The following TAFA1 variants were observed in gnomAD, a reference collection of about 807,000 sequenced individuals.
The protein encoded by TAFA1 is TAFA chemokine like family member 1.
TAFA1 carries 4 observed loss-of-function variants against 18.5 expected under a neutral mutation model. The ratio of observed to expected loss-of-function variants is 0.22; its 90% CI spans 0.11 to 0.49. The LOEUF is 0.49. Ranked by LOEUF, TAFA1 falls within the 20% of genes least tolerant of loss-of-function variation. The probability of loss-of-function intolerance (pLI) is 0.98; values close to 1 mark genes in which losing one functional copy is unlikely to be tolerated. For missense variants in TAFA1, 147 were observed against 169.0 expected (o/e 0.87, Z 0.72); for synonymous variants, 56 against 55.2 (o/e 1.01, Z -0.06).
intron 2 of TAFA1, among the ~76,000 whole-genome samples, chr3:68,262,733 T>A (rs986411197): frequency 8.6e-5 from 13 of 151,218 alleles, no homozygotes; most frequent in Non-Finnish European, 1.9e-4. Context: ...AATATAGTGG[T>A]GATGAATTTA....
rs984888980 is a variant in TAFA1 at position 68,285,633 on chromosome 3, G to A, written c.119-131647G>A. 3.9e-5 allele frequency among the ~76,000 whole-genome samples: 6 copies of A among 152,098 alleles called. No homozygotes were observed. In the East Asian group the frequency reaches 1.2e-3, roughly 29 times the overall value. Reference sequence around the variant, plus strand: ...TTTCTTCAGCAAATATGTGGCATGAGAAAGGGGAGTAAGAAGTAACTGTTA... The same window carrying A: ...TTTCTTCAGCAAATATGTGGCATGAAAAAGGGGAGTAAGAAGTAACTGTTA... On this transcript the variant is annotated intron_variant, in intron 2 of 4. Transcript: ENST00000478136.
chr3:68,097,697 G>C (rs1024577174), intron 2 of TAFA1, among the ~76,000 whole-genome samples: 2 of 152,152 alleles, frequency 1.3e-5, no homozygotes, highest in African/African-American at 4.8e-5. Flanking sequence ...GCTATGCCCA[G>C]TGCGTGCCTG....
chr3:68,475,502 T>G (rs1201911179), intron 3 of TAFA1, among the ~76,000 whole-genome samples: 1 of 152,248 alleles, frequency 6.6e-6, no homozygotes, highest in Non-Finnish European at 1.5e-5. Flanking sequence ...TCATTTTTTA[T>G]GGCTGCGTAG....
intron 3 of TAFA1, among the ~76,000 whole-genome samples, chr3:68,527,647 T>C (rs1478110606): frequency 6.6e-6 from 1 of 152,142 alleles, no homozygotes; most frequent in African/African-American, 2.4e-5. Context: ...TCACAACTTG[T>C]CAATATATAT....
At chr3:68,034,616 A>G (rs994290254) in intron 2 of TAFA1, among the ~76,000 whole-genome samples, 4 of 152,178 alleles carry the variant, frequency 2.6e-5, no homozygotes, top group Non-Finnish European at 5.9e-5. Flanking sequence ...CTGCTTTAGT[A>G]CTTGTCTTCC....
At position 68,179,703 on chromosome 3, in the gene TAFA1, A is replaced by G. The variant is rs1271060573; in HGVS notation, c.118+172959A>G. Among the ~76,000 whole-genome samples, 3 of 152,326 alleles carry G rather than the reference A, an allele frequency of 2.0e-5. No homozygotes were observed. The East Asian group carries it at 5.8e-4, about 29-fold the overall frequency. On this transcript the variant is annotated intron_variant, in intron 2 of 4. Coordinates refer to ENST00000478136, the MANE Select transcript of TAFA1 (RefSeq NM_213609.4). ...CAGCTAATCTGCCTCTTCTTGATGT[A>G]ACCGCACAATGCTAGAATTTTTCAC...
At chr3:68,237,810 T>C (rs2066946149) in intron 2 of TAFA1, among the ~76,000 whole-genome samples, 1 of 152,118 alleles carries the variant, frequency 6.6e-6, no homozygotes, top group Non-Finnish European at 1.5e-5. Flanking sequence ...AAGTTGCATA[T>C]AAAGATTATG....
At chr3:68,492,015 G>C (rs1458195431) in intron 3 of TAFA1, among the ~76,000 whole-genome samples, 1 of 152,060 alleles carries the variant, frequency 6.6e-6, no homozygotes, top group Non-Finnish European at 1.5e-5. Flanking sequence ...ATATGCCCTC[G>C]ATTTATGTGT....
chr3:68,086,131 T>G (rs1423512212), intron 2 of TAFA1, among the ~76,000 whole-genome samples: 3 of 152,248 alleles, frequency 2.0e-5, no homozygotes, highest in Admixed American at 2.0e-4. Context: ...AGTGGAGAAT[T>G]ACCTGATGTT....
chr3:68,169,958 G>A (rs2066031992), intron 2 of TAFA1, among the ~76,000 whole-genome samples: 1 of 152,254 alleles, frequency 6.6e-6, no homozygotes, highest in East Asian at 1.9e-4. Context: ...CAGAATGATA[G>A]AATAAGTACT....
chr3:68,351,115 C>T (rs940670029), intron 2 of TAFA1, among the ~76,000 whole-genome samples: 1 of 152,086 alleles, frequency 6.6e-6, no homozygotes, highest in African/African-American at 2.4e-5. Context: ...TCAACTGAAT[C>T]CAAATTTCTG....
At chr3:68,207,899 G>A (rs1559558935) in intron 2 of TAFA1, among the ~76,000 whole-genome samples, 1 of 151,834 alleles carries the variant, frequency 6.6e-6, no homozygotes, top group Non-Finnish European at 1.5e-5. Flanking sequence ...AATAAAGAAC[G>A]CTTCCTTTTA....
intron 3 of TAFA1, among the ~76,000 whole-genome samples, chr3:68,449,905 T>G (rs2071541235): frequency 1.3e-5 from 2 of 152,242 alleles, no homozygotes; most frequent in African/African-American, 4.8e-5. Context: ...AGATATTTCC[T>G]TCCTTACTCT....
chr3:68,518,376 T>A (rs1224383176), intron 3 of TAFA1, among the ~76,000 whole-genome samples: 1 of 152,232 alleles, frequency 6.6e-6, no homozygotes, highest in Non-Finnish European at 1.5e-5. Flanking sequence ...TATTTTGTCA[T>A]TGCCCTGACT....
At chr3:68,442,119 C>T (rs897788987) in intron 3 of TAFA1, among the ~76,000 whole-genome samples, 2 of 152,120 alleles carry the variant, frequency 1.3e-5, no homozygotes, top group African/African-American at 2.4e-5. Flanking sequence ...ATGATCACCA[C>T]CACCCCACTC....
At chr3:68,249,446 C>T (rs2067148137) in intron 2 of TAFA1, among the ~76,000 whole-genome samples, 1 of 152,142 alleles carries the variant, frequency 6.6e-6, no homozygotes, top group Admixed American at 6.5e-5. Flanking sequence ...AGTCATAAGG[C>T]GTCACTGACA....
chr3:68,258,996 C>T (rs957834688), intron 2 of TAFA1, among the ~76,000 whole-genome samples: 2 of 152,184 alleles, frequency 1.3e-5, no homozygotes, highest in East Asian at 1.9e-4. Context: ...TGCCAGGACT[C>T]ACATCTAGCT....
chr3:68,066,650 C>T (rs776993517), intron 2 of TAFA1, among the ~76,000 whole-genome samples: 3 of 152,100 alleles, frequency 2.0e-5, no homozygotes, highest in Non-Finnish European at 4.4e-5. Flanking sequence ...AGTAGATTAG[C>T]CAAATATTTC....
chr3:68,485,846 C>A lies in TAFA1; in HGVS notation c.260-52910C>A, dbSNP rs148799474. Among the ~76,000 whole-genome samples, 10 of 152,274 alleles carry A rather than the reference C, an allele frequency of 6.6e-5. No individual in the cohort carries two copies. In the East Asian group the frequency reaches 1.9e-3, roughly 29 times the overall value. On this transcript the variant is annotated intron_variant, in intron 3 of 4. Coordinates refer to ENST00000478136, the MANE Select transcript of TAFA1 (RefSeq NM_213609.4). The stretch of plus-strand genomic sequence containing the variant: ...AGCATTTAAGAGGAAAGTTTGGGAT[C>A]ATTGACTATCTCTCCAGTCACTGCT...
Sources: gnomAD v4.1 joint callset for allele counts (sites outside exome capture counted in the v4.1 genomes callset) on GRCh38, gnomAD v4.1.1 for gene constraint, MANE v1.5 for transcripts, NCBI Gene and HGNC (gene_info 2026-07-23, HGNC 2026-07-21) for gene names.